METTL21A: variants seen among roughly 807,000 people sequenced by gnomAD.
METTL21A encodes protein N-lysine methyltransferase METTL21A.
Under a neutral mutation model 20.9 loss-of-function variants are expected in METTL21A, and 22 were observed. That is an observed-to-expected ratio of 1.05 (90% CI 0.75 to 1.50). The LOEUF is 1.50. Among genes scored for constraint, METTL21A ranks in the 40% most tolerant of loss-of-function variants. METTL21A has a pLI of 0.00. For missense variants in METTL21A, 271 were observed against 266.8 expected (o/e 1.02, Z -0.11); for synonymous variants, 93 against 102.0 (o/e 0.91, Z 0.53).
In METTL21A at chr2:207,588,271, G is replaced by C. The variant is rs188044991; in HGVS notation, c.260-6111C>G. Among the ~76,000 whole-genome samples the C allele has an allele frequency of 1.7e-4, 26 of 152,114 alleles. No homozygotes were observed. In the East Asian group the frequency reaches 4.2e-3, roughly 25 times the overall value. ...TTTTTTTATATAGGAACATCCATTTGTTCCAGACCATTTGTTGAAAAGACT... is the reference window on the plus strand; with the variant it reads ...TTTTTTTATATAGGAACATCCATTTCTTCCAGACCATTTGTTGAAAAGACT... On this transcript the variant is annotated intron_variant, in intron 3 of 3. Coordinates refer to the METTL21A transcript ENST00000425132.
At chr2:207,609,100 T>TCA (rs2088563256), downstream of METTL21A, 1 of 152,242 alleles carries the variant, frequency 6.6e-6, no homozygotes, top group African/African-American at 2.4e-5. Context: ...AACTGGTATA[T>TCA]CACAGAATGC....
intron 3 of METTL21A, among the ~76,000 whole-genome samples, chr2:207,583,550 TAA>T (rs1277841108): frequency 6.6e-6 from 1 of 152,254 alleles, no homozygotes; most frequent in Non-Finnish European, 1.5e-5. Context: ...TGCTGTTTTC[TAA>T]AGTTACTTCA....
At chr2:207,619,173 CTTT>C (rs5838081) in intron 3 of METTL21A, among the ~76,000 whole-genome samples, 29 of 133,942 alleles carry the variant, frequency 2.2e-4, no homozygotes, top group African/African-American at 2.5e-4. Context: ...CATAGCACCG[CTTT>C]TTTTTTTTTT....
rs1466487361 is a variant in METTL21A at position 207,582,245 on chromosome 2, A to G, written c.260-85T>C. ...GGTGTATTTTAGAAGAAGTACTTGGAGGCTATGCAGATATATTCTTTTCTC... is the reference window on the plus strand; with the variant it reads ...GGTGTATTTTAGAAGAAGTACTTGGGGGCTATGCAGATATATTCTTTTCTC... On this transcript the variant is annotated intron_variant, in intron 3 of 3. Transcript: ENST00000425132. 4.3e-6 allele frequency: 3 copies of G among 696,420 alleles called. No homozygotes were observed. The African/African-American group carries it at 5.3e-5, about 12-fold the overall frequency. 43.1% of individuals were successfully genotyped at this position (696,420 alleles called of 1,614,324 possible).
intron 3 of METTL21A, chr2:207,599,223 A>G (rs746546077): frequency 5.0e-6 from 1 of 199,984 alleles, no homozygotes; most frequent in South Asian, 1.9e-4. Flanking sequence ...GGGGAAAGTT[A>G]TAGCATAAAA....
chr2:207,594,428 C>A (rs1251808850), intron 3 of METTL21A, among the ~76,000 whole-genome samples: 1 of 152,136 alleles, frequency 6.6e-6, no homozygotes, highest in African/African-American at 2.4e-5. Context: ...AGTCCTGTTT[C>A]TATGAATTTG....
At chr2:207,600,286 T>C in intron 3 of METTL21A, 2 of 173,918 alleles carry the variant, frequency 1.1e-5, no homozygotes, top group Middle Eastern at 2.3e-3. Context: ...AATCTAAAGC[T>C]CTGAGAGCTC....
intron 2 of METTL21A, among the ~76,000 whole-genome samples, chr2:207,622,446 T>C (rs1163337738): frequency 6.6e-6 from 1 of 152,158 alleles, no homozygotes; most frequent in Non-Finnish European, 1.5e-5. Flanking sequence ...AGGCGTGAGC[T>C]ATCACACCCA....
chr2:207,605,122 AT>A (rs2087874316), downstream of METTL21A, among the ~76,000 whole-genome samples: 1 of 152,144 alleles, frequency 6.6e-6, no homozygotes, highest in African/African-American at 2.4e-5. Flanking sequence ...GAAATCGCAC[AT>A]TTAACTTTTT....
At chr2:207,587,713 G>A (rs1021537046) in intron 3 of METTL21A, among the ~76,000 whole-genome samples, 2 of 152,200 alleles carry the variant, frequency 1.3e-5, no homozygotes, top group African/African-American at 2.4e-5. Flanking sequence ...AATACCACAT[G>A]TTCTCACTCA....
intron 3 of METTL21A, chr2:207,596,808 G>A: frequency 4.0e-6 from 5 of 1,258,306 alleles, no homozygotes; most frequent in Non-Finnish European, 5.6e-6. Flanking sequence ...ATACTAAAAT[G>A]TTGGTTGCTG....
At chr2:207,604,788 T>C (rs1158694957), downstream of METTL21A, among the ~76,000 whole-genome samples, 3 of 152,218 alleles carry the variant, frequency 2.0e-5, no homozygotes, top group South Asian at 4.1e-4. Context: ...TGCTTCCTGT[T>C]TCTTTGGATT....
intron 3 of METTL21A, chr2:207,602,746 TTATTTA>T: frequency 4.7e-6 from 1 of 211,598 alleles, no homozygotes; most frequent in East Asian, 7.1e-5. Context: ...TGTAATAAAA[TTATTTA>T]TATTAAAAGT....
intron 2 of METTL21A, among the ~76,000 whole-genome samples, chr2:207,622,801 A>G (rs2090652834): frequency 6.6e-6 from 1 of 152,228 alleles, no homozygotes; most frequent in African/African-American, 2.4e-5. Flanking sequence ...TAAAGCTAAC[A>G]TAACTTGTTA....
At chr2:207,601,534 TAACTC>T (rs375357358) in intron 3 of METTL21A, 30 of 197,592 alleles carry the variant, frequency 1.5e-4, no homozygotes, top group African/African-American at 2.3e-4. Flanking sequence ...GAAGGGAAAA[TAACTC>T]AAGTGCATAA....
chr2:207,608,570 C>A (rs184548178), downstream of METTL21A, among the ~76,000 whole-genome samples: 3 of 152,250 alleles, frequency 2.0e-5, no homozygotes. Flanking sequence ...ATTATTGAAG[C>A]TCCCCACCTC....
chr2:207,607,142 A>G (rs2088236427), downstream of METTL21A, among the ~76,000 whole-genome samples: 1 of 152,106 alleles, frequency 6.6e-6, no homozygotes, highest in Admixed American at 6.5e-5. Flanking sequence ...TAATCCCTGC[A>G]CTTTGGGAGG....
intron 3 of METTL21A, chr2:207,597,043 C>T (rs1418667730): frequency 3.8e-6 from 6 of 1,599,052 alleles, no homozygotes; most frequent in Non-Finnish European, 4.3e-6. Flanking sequence ...ACCTTTACTG[C>T]CACAAATCAG....
downstream of METTL21A, among the ~76,000 whole-genome samples, chr2:207,605,526 T>TA (rs374747042): frequency 0.014 from 2,111 of 152,140 alleles, 32 homozygotes; most frequent in African/African-American, 0.035. Context: ...TGTACACTTC[T>TA]AAAAAAAAGA....
Sources: allele counts gnomAD v4.1 joint callset (sites outside exome capture counted in the v4.1 genomes callset), GRCh38; gene constraint gnomAD v4.1.1; transcripts MANE v1.5; gene names NCBI Gene and HGNC (gene_info 2026-07-23, HGNC 2026-07-21).